The following MYO10 variants were observed in gnomAD, a reference collection of about 807,000 sequenced individuals.
The protein encoded by MYO10 is unconventional myosin-X.
In MYO10, 133 loss-of-function variants were observed where a neutral mutation model predicts 257.3. That is an observed-to-expected ratio of 0.52 (90% confidence interval 0.45 to 0.60). The LOEUF (loss-of-function observed/expected upper bound fraction) is 0.60. Among genes scored for constraint, MYO10 ranks in the 20% least tolerant of loss-of-function variants. The pLI is 0.00. For missense variants in MYO10, 2,399 were observed against 2,635.7 expected (o/e 0.91, Z 1.97); for synonymous variants, 1,104 against 1,028.6 (o/e 1.07, Z -1.40).
chr5:16,704,144 G>A lies in MYO10; in HGVS notation c.2276+435C>T, dbSNP rs187013129. ...GAGACCCTCCTGGGCAACATGAAGT[G>A]ACCCATCTCTAAAAAAAAAATTTTT... On this transcript the variant is annotated intron_variant, in intron 22 of 40. Coordinates refer to ENST00000513610, the MANE Select transcript of MYO10 (RefSeq NM_012334.3). 4.6e-5 allele frequency among the ~76,000 whole-genome samples: 7 copies of A among 151,816 alleles called. 1 individual carries two copies. Among genetic ancestry groups the A allele is most frequent in the Middle Eastern group, 3.4e-3 (1 of 294 alleles).
chr5:16,793,296 T>C (rs1046715228), intron 4 of MYO10, among the ~76,000 whole-genome samples: 2 of 152,130 alleles, frequency 1.3e-5, no homozygotes, highest in South Asian at 2.1e-4. Flanking sequence ...TGAGGTCAAT[T>C]TGAATGTTAA....
chr5:16,688,286 T>C (rs1737339247), intron 28 of MYO10, among the ~76,000 whole-genome samples: 1 of 152,194 alleles, frequency 6.6e-6, no homozygotes, highest in Admixed American at 6.5e-5. Context: ...AATTATTTTC[T>C]GGTGTCTTTA....
intron 2 of MYO10, among the ~76,000 whole-genome samples, chr5:16,821,429 T>A (rs1252595563): frequency 6.9e-6 from 1 of 144,500 alleles, no homozygotes; most frequent in Non-Finnish European, 1.5e-5. Context: ...TTTGACTTCC[T>A]TTCCTCCTAT....
chr5:16,720,313 G>C (rs1314968991), intron 19 of MYO10, among the ~76,000 whole-genome samples: 1 of 152,068 alleles, frequency 6.6e-6, no homozygotes, highest in Non-Finnish European at 1.5e-5. Flanking sequence ...CTTATTAAAA[G>C]AATTTTTTGA....
At chr5:16,671,274 C>T (rs1027887015) in intron 38 of MYO10, 148 bp downstream of exon 38, 26 of 1,036,800 alleles carry the variant, frequency 2.5e-5, no homozygotes, top group Admixed American at 1.1e-4. Context: ...ATTCTACAAA[C>T]GAATGAAAGA....
chr5:16,705,715 T>C (rs1260703479), intron 21 of MYO10, among the ~76,000 whole-genome samples: 1 of 152,180 alleles, frequency 6.6e-6, no homozygotes, highest in Non-Finnish European at 1.5e-5. Flanking sequence ...CTCTGCTCTG[T>C]GTCCTCCATG....
rs1736714658 is a variant in MYO10, at chr5:16,676,159, AAAT to A, written c.4543-8_4543-6del. 6.2e-7 allele frequency: 1 copy of A among 1,611,192 alleles called. No individual in the cohort carries two copies. The highest frequency in any genetic ancestry group is 2.2e-5 in the East Asian group (1 of 44,798). ...ATCCGAGTTCAGGCAGTTCTCCTAAAAATAAAGCAAGCAAGCTTATTGTAAGAA... is the reference window on the plus strand; with the variant it reads ...ATCCGAGTTCAGGCAGTTCTCCTAAAAAAGCAAGCAAGCTTATTGTAAGAA... On this transcript the variant is annotated splice_region_variant and splice_polypyrimidine_tract_variant and intron_variant, in intron 33 of 40. Coordinates refer to ENST00000513610, the MANE Select transcript of MYO10 (RefSeq NM_012334.3).
At chr5:16,885,501 G>A (rs1050088265) in intron 1 of MYO10, among the ~76,000 whole-genome samples, 1 of 152,002 alleles carries the variant, frequency 6.6e-6, no homozygotes, top group Non-Finnish European at 1.5e-5. Context: ...ATGAAACTCC[G>A]TCTCTACTAA....
At chr5:16,780,154 G>C (rs572622314) in intron 8 of MYO10, among the ~76,000 whole-genome samples, 1 of 152,120 alleles carries the variant, frequency 6.6e-6, no homozygotes, top group African/African-American at 2.4e-5. Context: ...CGTCTGCTTG[G>C]CCTCCCAGAG....
chr5:16,773,661 C>CAAAAAAAAAAAAAAAAAAAAAAAAAAA (rs35170602), intron 9 of MYO10, among the ~76,000 whole-genome samples: 1 of 113,086 alleles, frequency 8.8e-6, no homozygotes. Flanking sequence ...GACCTTGTCT[C>CAAAAAAAAAAAAAAAAAAAAAAAAAAA]AAAAAAAAAA....
chr5:16,698,886 G>T (rs1353686487), intron 26 of MYO10, among the ~76,000 whole-genome samples: 1 of 151,942 alleles, frequency 6.6e-6, no homozygotes, highest in Non-Finnish European at 1.5e-5. Flanking sequence ...GCCTCCCAAA[G>T]TGCTGGGATT....
chr5:16,837,315 G>GA lies in MYO10; in HGVS notation c.121-19149dup, dbSNP rs201720772. Among the ~76,000 whole-genome samples, 253 of 149,682 alleles carry GA rather than the reference G, an allele frequency of 1.7e-3. 1 individual carries two copies. Among genetic ancestry groups the GA allele is most frequent in the African/African-American group, 5.9e-3 (243 of 40,888 alleles). On this transcript the variant is annotated intron_variant, in intron 2 of 40. Transcript: ENST00000513610. ...ACAAGAGCAAAATTCCGTCTCAAAAGAAAAAAAAACATACTGACGAACCTT... is the reference window on the plus strand; with the variant it reads ...ACAAGAGCAAAATTCCGTCTCAAAAGAAAAAAAAAACATACTGACGAACCTT...
chr5:16,697,175 G>A, intron 26 of MYO10, among the ~76,000 whole-genome samples: 1 of 152,090 alleles, frequency 6.6e-6, no homozygotes, highest in Admixed American at 6.6e-5. Flanking sequence ...GCACTGTGGG[G>A]CTCCAAAGCT....
chr5:16,791,226 G>T (rs1354638799), intron 4 of MYO10, among the ~76,000 whole-genome samples: 2 of 151,948 alleles, frequency 1.3e-5, no homozygotes, highest in African/African-American at 4.8e-5. Context: ...GCCAGCAGGG[G>T]GCAGATCATG....
chr5:16,783,657 T>G (rs1741490799), intron 4 of MYO10, among the ~76,000 whole-genome samples, 188 bp from the exon 5 acceptor site: 1 of 152,196 alleles, frequency 6.6e-6, no homozygotes, highest in Non-Finnish European at 1.5e-5. Context: ...CTGGCCACAT[T>G]GTGTCTGGCC....
chr5:16,907,345 C>A (rs1022290656), intron 1 of MYO10, among the ~76,000 whole-genome samples: 1 of 151,824 alleles, frequency 6.6e-6, no homozygotes, highest in Non-Finnish European at 1.5e-5. Context: ...AGAGAATGAG[C>A]CAACAAAGGA....
chr5:16,895,416 C>T (rs1745189136), intron 1 of MYO10, among the ~76,000 whole-genome samples: 1 of 152,148 alleles, frequency 6.6e-6, no homozygotes, highest in South Asian at 2.1e-4. Flanking sequence ...GGCTCTGAGG[C>T]CCGAAGCCAA....
chr5:16,763,456 T>C (rs1350129179), intron 14 of MYO10, 25 bp downstream of exon 14: 11 of 1,584,706 alleles, frequency 6.9e-6, no homozygotes, highest in Non-Finnish European at 9.5e-6. Context: ...CTTGGGACTG[T>C]AACCATTCTT....
At chr5:16,868,301 T>G (rs140570196) in intron 2 of MYO10, among the ~76,000 whole-genome samples, 54 of 152,324 alleles carry the variant, frequency 3.5e-4, no homozygotes, top group African/African-American at 1.3e-3. Context: ...AGAACCATGG[T>G]GCTTTTAAAA....
Sources: gnomAD v4.1 joint callset for allele counts (sites outside exome capture counted in the v4.1 genomes callset) on GRCh38, gnomAD v4.1.1 for gene constraint, MANE v1.5 for transcripts, NCBI Gene and HGNC (gene_info 2026-07-23, HGNC 2026-07-21) for gene names.